FCHSD2: variants seen among roughly 807,000 people sequenced by gnomAD.
FCHSD2 encodes the protein F-BAR and double SH3 domains protein 2.
FCHSD2 carries 38 observed loss-of-function variants against 108.1 expected under a neutral mutation model. The ratio of observed to expected loss-of-function variants is 0.35; its 90% confidence interval spans 0.27 to 0.46. The LOEUF (loss-of-function observed/expected upper bound fraction) is 0.46, where lower values mean the gene tolerates loss of function less well. FCHSD2 is among the 20% of genes least tolerant of loss of function. FCHSD2 has a pLI of 1.00. For synonymous variants in FCHSD2, 279 were observed against 314.7 expected (o/e 0.89, Z 1.20); for missense variants, 751 against 897.8 (o/e 0.84, Z 2.09).
chr11:72,865,090 C>T (rs1302318820), intron 13 of FCHSD2, among the ~76,000 whole-genome samples: 2 of 152,222 alleles, frequency 1.3e-5, no homozygotes, highest in Non-Finnish European at 2.9e-5. Context: ...CATTTATCTT[C>T]CACAAGGCAC....
At chr11:72,884,710 C>T (rs1226190787) in intron 12 of FCHSD2, among the ~76,000 whole-genome samples, 1 of 151,950 alleles carries the variant, frequency 6.6e-6, no homozygotes, top group Non-Finnish European at 1.5e-5. Flanking sequence ...GATCAAGCCT[C>T]TGCCTCCCAA....
At chr11:73,136,126 T>C (rs1861114168) in intron 2 of FCHSD2, among the ~76,000 whole-genome samples, 1 of 150,790 alleles carries the variant, frequency 6.6e-6, no homozygotes, top group African/African-American at 2.4e-5. Context: ...CACCACTGCA[T>C]TCCAGCCTGG....
At chr11:72,882,622 G>A (rs1855113055) in intron 12 of FCHSD2, among the ~76,000 whole-genome samples, 1 of 152,102 alleles carries the variant, frequency 6.6e-6, no homozygotes, top group Admixed American at 6.6e-5. Flanking sequence ...TACACTGTAT[G>A]CATGTATCAA....
At chr11:72,977,488 GA>G (rs566140375) in intron 8 of FCHSD2, among the ~76,000 whole-genome samples, 9 of 151,030 alleles carry the variant, frequency 6.0e-5, no homozygotes, top group South Asian at 4.2e-4. Context: ...AACTCTATAG[GA>G]AAAAAAAATC....
intron 13 of FCHSD2, among the ~76,000 whole-genome samples, chr11:72,865,345 G>A (rs1854697448): frequency 1.3e-5 from 2 of 152,116 alleles, no homozygotes; most frequent in South Asian, 4.1e-4. Flanking sequence ...TTGTGCCTAT[G>A]TCTCTCCTTT....
intron 8 of FCHSD2, among the ~76,000 whole-genome samples, chr11:72,965,558 T>C (rs1447311086): frequency 6.6e-6 from 1 of 152,198 alleles, no homozygotes; most frequent in Non-Finnish European, 1.5e-5. Context: ...AACTCAATAT[T>C]TTCATGTATT....
At chr11:72,980,742 G>T (rs1857200346) in intron 8 of FCHSD2, among the ~76,000 whole-genome samples, 2 of 150,054 alleles carry the variant, frequency 1.3e-5, no homozygotes, top group Non-Finnish European at 3.0e-5. Context: ...ATGTATATAT[G>T]TGTGTGTATA....
intron 4 of FCHSD2, among the ~76,000 whole-genome samples, chr11:73,011,047 G>A (rs1041760861): frequency 6.6e-6 from 1 of 152,152 alleles, no homozygotes; most frequent in South Asian, 2.1e-4. Context: ...TGTGATTGTA[G>A]TGGCAGGGGT....
intron 12 of FCHSD2, among the ~76,000 whole-genome samples, chr11:72,875,806 T>C (rs1304233863): frequency 1.3e-5 from 2 of 152,172 alleles, no homozygotes; most frequent in African/African-American, 2.4e-5. Context: ...TAGTGGGGCA[T>C]TTGCCAATTT....
intron 3 of FCHSD2, among the ~76,000 whole-genome samples, chr11:73,031,387 G>A (rs1436007282): frequency 6.6e-6 from 1 of 151,754 alleles, no homozygotes; most frequent in African/African-American, 2.4e-5. Flanking sequence ...GAGGTGGGAG[G>A]ATCACTTGAG....
chr11:72,900,835 T>C (rs1421628521), intron 10 of FCHSD2, among the ~76,000 whole-genome samples: 1 of 152,202 alleles, frequency 6.6e-6, no homozygotes, highest in Admixed American at 6.5e-5. Flanking sequence ...CTGATACCAT[T>C]AAACTCTGGA....
intron 2 of FCHSD2, among the ~76,000 whole-genome samples, chr11:73,110,110 G>C (rs935144910): frequency 2.6e-5 from 4 of 150,976 alleles, no homozygotes; most frequent in Non-Finnish European, 5.9e-5. Flanking sequence ...GAGGATTTTT[G>C]CATCAGTATT....
chr11:73,113,848 T>G (rs551737193), intron 2 of FCHSD2, among the ~76,000 whole-genome samples: 1 of 152,332 alleles, frequency 6.6e-6, no homozygotes, highest in Admixed American at 6.5e-5. Flanking sequence ...CTTGTAGTGG[T>G]ACTGCCTTAG....
intron 2 of FCHSD2, among the ~76,000 whole-genome samples, chr11:73,084,816 T>C (rs908389840): frequency 2.0e-5 from 3 of 152,216 alleles, no homozygotes; most frequent in Non-Finnish European, 2.9e-5. Context: ...AACATAGGCA[T>C]TGTAGAGTCA....
At chr11:73,008,122 T>G (rs1857782239) in intron 4 of FCHSD2, among the ~76,000 whole-genome samples, 1 of 152,136 alleles carries the variant, frequency 6.6e-6, no homozygotes, top group Non-Finnish European at 1.5e-5. Context: ...GCAGATCACT[T>G]GAGGCCAGGA....
At chr11:72,867,672 AC>A (rs1331561706) in intron 13 of FCHSD2, among the ~76,000 whole-genome samples, 192 bp downstream of exon 13, 2 of 152,202 alleles carry the variant, frequency 1.3e-5, no homozygotes, top group Non-Finnish European at 2.9e-5. Flanking sequence ...ATTAAAAAAA[AC>A]ACTCATTTTT....
intron 3 of FCHSD2, among the ~76,000 whole-genome samples, chr11:73,082,363 G>GAAAAA (rs1859715077): frequency 1.3e-5 from 1 of 74,250 alleles, no homozygotes; most frequent in Non-Finnish European, 2.8e-5. Context: ...AAAAAAAAAA[G>GAAAAA]AAAAGAAAAA....
intron 3 of FCHSD2, among the ~76,000 whole-genome samples, chr11:73,082,335 C>CAAAAAAAAAAAAAAAAAAAAAAA (rs750423401): frequency 2.9e-5 from 1 of 34,462 alleles, no homozygotes. Context: ...AGACTTGTCC[C>CAAAAAAAAAAAAAAAAAAAAAAA]AAAAAAAAAA....
At chr11:72,991,325 C>G (rs926056007) in intron 5 of FCHSD2, among the ~76,000 whole-genome samples, 10 of 152,108 alleles carry the variant, frequency 6.6e-5, no homozygotes, top group Non-Finnish European at 1.5e-4. Flanking sequence ...CTATTCCAAT[C>G]AATAGAAAAA....
Sources: allele counts gnomAD v4.1 joint callset (sites outside exome capture counted in the v4.1 genomes callset), GRCh38; gene constraint gnomAD v4.1.1; transcripts MANE v1.5; gene names NCBI Gene and HGNC (gene_info 2026-07-23, HGNC 2026-07-21).